The following NOS2 variants were observed in gnomAD, a reference collection of about 807,000 sequenced individuals.
The protein encoded by NOS2 is nitric oxide synthase 2, also known as nitric oxide synthase, inducible.
In NOS2, 96 loss-of-function variants were observed where a neutral mutation model predicts 136.0. The ratio of observed to expected loss-of-function variants is 0.71; its 90% CI spans 0.60 to 0.84. The LOEUF (loss-of-function observed/expected upper bound fraction) is 0.84, where lower values mean the gene tolerates loss of function less well. Ranked by LOEUF, NOS2 falls within the 40% of genes least tolerant of loss-of-function variation. The pLI is 0.00. For synonymous variants in NOS2, 539 were observed against 587.5 expected, an observed-to-expected ratio of 0.92 and a Z score of 1.20; for missense variants, 1,237 against 1,496.9, an observed-to-expected ratio of 0.83 and a Z score of 2.87.
intron 24 of NOS2, 51 bp downstream of exon 24, chr17:27,760,572 C>G (rs757940930): frequency 3.5e-5 from 55 of 1,550,350 alleles, no homozygotes; most frequent in Non-Finnish European, 4.7e-5. Flanking sequence ...TGCTCCTAGG[C>G]AGGCGCTGGC....
At chr17:27,773,649 G>T (rs1312468217) in intron 12 of NOS2, among the ~76,000 whole-genome samples, 1 of 152,190 alleles carries the variant, frequency 6.6e-6, no homozygotes, top group Non-Finnish European at 1.5e-5. Flanking sequence ...CACCCTGCAT[G>T]TGAGGTCCTG....
Position 27,784,852 on chromosome 17 carries a change from C to A in NOS2, c.468-1746G>T, listed in dbSNP as rs908179525. On this transcript the variant is annotated intron_variant, in intron 5 of 26. Coordinates refer to ENST00000313735, the MANE Select transcript of NOS2 (RefSeq NM_000625.4). ...GAGAGGCTGCCATTCCCCGTTCACA[C>A]CCCCAGGTTCTCTTGCTCAGGGAAG... 8.5e-5 allele frequency among the ~76,000 whole-genome samples: 13 copies of A among 152,190 alleles called. No individual in the cohort carries two copies. The East Asian group carries it at 1.9e-3, about 23-fold the overall frequency.
intron 2 of NOS2, among the ~76,000 whole-genome samples, chr17:27,794,232 C>T (rs1274520996): frequency 2.0e-5 from 3 of 152,116 alleles, no homozygotes; most frequent in Non-Finnish European, 4.4e-5. Flanking sequence ...CAAGGCTGTC[C>T]CGGGAAGTGT....
At chr17:27,798,620 G>A in intron 2 of NOS2, 80 bp downstream of exon 2, 1 of 835,440 alleles carries the variant, frequency 1.2e-6, no homozygotes, top group Non-Finnish European at 2.1e-6. Flanking sequence ...GGAGCAGAGA[G>A]AGGAATTCTG....
At chr17:27,769,350 C>T (rs1369059182) in intron 16 of NOS2, among the ~76,000 whole-genome samples, 185 bp downstream of exon 16, 2 of 152,124 alleles carry the variant, frequency 1.3e-5, no homozygotes, top group Non-Finnish European at 2.9e-5. Flanking sequence ...GCCTGCAGAC[C>T]TGTGAGAGGG....
chr17:27,787,840 G>C lies in NOS2; in HGVS notation c.319-14C>G. ...GCAAGTTAAAATCTGGAAAGAGAGA[G>C]GCAGGTGGTGAGGGTGGGCCATTCG... is the stretch of plus-strand genomic sequence containing the variant. On this transcript the variant is annotated splice_polypyrimidine_tract_variant and intron_variant, in intron 4 of 26. Transcript: ENST00000313735. 6.2e-7 allele frequency: 1 copy of C among 1,604,020 alleles called. No homozygotes were observed.
At chr17:27,761,665 A>G (rs1908135125) in intron 22 of NOS2, among the ~76,000 whole-genome samples, 1 of 152,140 alleles carries the variant, frequency 6.6e-6, no homozygotes, top group African/African-American at 2.4e-5. Context: ...GTGCGTGCTC[A>G]TGAGCGTGGC....
At chr17:27,765,796 G>A (rs1908283028) in intron 19 of NOS2, 80 bp from the exon 20 acceptor site, 2 of 1,391,752 alleles carry the variant, frequency 1.4e-6, no homozygotes, top group South Asian at 1.4e-5. Flanking sequence ...AGATTCCCCA[G>A]GAAATGTGCC....
chr17:27,793,475 T>C, intron 2 of NOS2: 1 of 392,120 alleles, frequency 2.6e-6, no homozygotes, highest in Non-Finnish European at 4.5e-6. Context: ...CCCTCAGGAA[T>C]CCCACAGAGC....
At chr17:27,794,276 G>A (rs1441293463) in intron 2 of NOS2, among the ~76,000 whole-genome samples, 1 of 152,178 alleles carries the variant, frequency 6.6e-6, no homozygotes, top group African/African-American at 2.4e-5. Context: ...TGTTCTGTGC[G>A]ATTCCAGAAA....
Position 27,772,410 on chromosome 17 carries a change from C to A in NOS2, c.1602G>T (p.Ala534=), listed in dbSNP as rs200136687. The A allele has an allele frequency of 6.2e-7, 1 of 1,614,038 alleles. No homozygotes were observed. The highest frequency in any genetic ancestry group is 8.5e-7 in the Non-Finnish European group (1 of 1,180,010). Residue 534 remains alanine (A), a synonymous_variant, in exon 14 of 27, where the codon GCG becomes GCT. Transcript: ENST00000313735. The part of the protein sequence containing the change: ...FACMLMRKTM[A]SRVRVTILFA... The stretch of plus-strand genomic sequence containing the variant: ...AGAGGATGGTGACTCTGACTCGGGA[C>A]GCCATTGTCTTGCGCATCAGCATAC...
At chr17:27,774,725 C>G (rs1908609566) in intron 11 of NOS2, among the ~76,000 whole-genome samples, 1 of 152,230 alleles carries the variant, frequency 6.6e-6, no homozygotes, top group Non-Finnish European at 1.5e-5. Context: ...CAATATCCAG[C>G]CTCTCATGCC....
rs1597557440 is a variant in NOS2 at position 27,787,761 on chromosome 17, T to G, written c.384A>C (p.Gly128=). 6.2e-7 allele frequency: 1 copy of G among 1,613,704 alleles called. No homozygotes were observed. The highest frequency in any genetic ancestry group is 8.5e-7 in the Non-Finnish European group (1 of 1,179,754). The change falls in exon 5 of 27, where the codon GGA becomes GGC. Residue 128 remains glycine, a synonymous_variant. Coordinates refer to ENST00000313735, the MANE Select transcript of NOS2 (RefSeq NM_000625.4). Reference sequence around the variant, plus strand: ...CTGGAGGGGTAGGCTTGTCCCTGGGTCCTCTGGTCAAACTTTTGGGAGTCA... The same window carrying G: ...CTGGAGGGGTAGGCTTGTCCCTGGGGCCTCTGGTCAAACTTTTGGGAGTCA... ...SIMTPKSLTR[G]PRDKPTPPDE...
intron 14 of NOS2, 132 bp from the exon 15 acceptor site, chr17:27,771,149 C>T (rs1396698336): frequency 3.0e-6 from 2 of 659,620 alleles, no homozygotes; most frequent in African/African-American, 1.8e-5. Context: ...TCTCCCAGGG[C>T]CCGGCACAGG....
At chr17:27,772,552 G>C in intron 13 of NOS2, 100 bp from the exon 14 acceptor site, 2 of 1,384,696 alleles carry the variant, frequency 1.4e-6, no homozygotes, top group Non-Finnish European at 2.0e-6. Context: ...TTTAATGTGG[G>C]GCAGGTTGAG....
chr17:27,756,840 G>T lies in NOS2; in HGVS notation c.*406C>A, dbSNP rs766399749. 50 of 173,842 alleles carry T rather than the reference G, an allele frequency of 2.9e-4. No individual in the cohort carries two copies. The highest frequency in any genetic ancestry group is 4.5e-4 in the Non-Finnish European group (37 of 83,062). The allele number at this position is 173,842 out of a possible 1,614,324, so 10.8% of individuals were successfully genotyped here. A position where few individuals can be genotyped will look rare whatever the true frequency, so the allele number is the denominator to read the frequency against. On this transcript the variant is annotated 3_prime_UTR_variant, in exon 27 of 27. Transcript: ENST00000313735. The stretch of plus-strand genomic sequence containing the variant: ...ATACAGGGAAGACCCAAGTGGCCAT[G>T]GGGAACAGACTGGGTGTTAGTTTTT...
intron 2 of NOS2, among the ~76,000 whole-genome samples, chr17:27,796,996 G>T (rs1477080379): frequency 1.3e-5 from 2 of 152,134 alleles, no homozygotes; most frequent in African/African-American, 4.8e-5. Context: ...GCTCCCTACT[G>T]CCAGGGAGAG....
At position 27,789,650 on chromosome 17, in the gene NOS2, C is replaced by T. The variant is rs374750555; in HGVS notation, c.149G>A (p.Ser50Asn). The T allele has an allele frequency of 6.2e-7, 1 of 1,614,126 alleles. No homozygotes were observed. Among genetic ancestry groups the T allele is most frequent in the Non-Finnish European group, 8.5e-7 (1 of 1,179,970 alleles). The change falls in exon 3 of 27, where the codon AGC becomes AAC. Residue 50 changes from serine to asparagine, a missense_variant. Ser to Asn is a conservative substitution (Grantham distance 46). Transcript: ENST00000313735. Reference protein sequence around the residue: ...TQDDLQYHNLSKQQNESPQPL... With the variant: ...TQDDLQYHNLNKQQNESPQPL... ...CTGCGGGGACTCATTCTGCTGCTTGCTGAGGTTGTGATACTGAAGGTCATC... is the reference window on the plus strand; with the variant it reads ...CTGCGGGGACTCATTCTGCTGCTTGTTGAGGTTGTGATACTGAAGGTCATC...
At chr17:27,777,025 A>G (rs918501307) in intron 11 of NOS2, among the ~76,000 whole-genome samples, 1 of 152,186 alleles carries the variant, frequency 6.6e-6, no homozygotes, top group African/African-American at 2.4e-5. Flanking sequence ...TGCCAGCATC[A>G]GGGCTGGTGC....
Sources: gnomAD v4.1 joint callset for allele counts (sites outside exome capture counted in the v4.1 genomes callset) on GRCh38, gnomAD v4.1.1 for gene constraint, MANE v1.5 for transcripts, NCBI Gene and HGNC (gene_info 2026-07-23, HGNC 2026-07-21) for gene names.